The following RERE variants were observed in gnomAD, a reference collection of about 807,000 sequenced individuals.
RERE encodes arginine-glutamic acid dipeptide repeats protein.
A neutral mutation model predicts 146.1 loss-of-function variants in RERE; 40 were observed. The ratio of observed to expected loss-of-function variants is 0.27; its 90% confidence interval spans 0.21 to 0.36. RERE has a LOEUF of 0.36. Among genes scored for constraint, RERE ranks in the 10% least tolerant of loss-of-function variants. The pLI, the probability that RERE is intolerant of heterozygous loss-of-function variation, is 1.00. For missense variants in RERE, 1,933 were observed against 2,138.7 expected (o/e 0.90, Z 1.90); for synonymous variants, 1,003 against 866.0 (o/e 1.16, Z -2.78).
At chr1:8,452,099 C>G (rs1295590447) in intron 11 of RERE, among the ~76,000 whole-genome samples, 3 of 152,142 alleles carry the variant, frequency 2.0e-5, no homozygotes, top group Non-Finnish European at 1.5e-5. Flanking sequence ...CTCCAATTAA[C>G]TAACCTCTGT....
intron 1 of RERE, among the ~76,000 whole-genome samples, chr1:8,700,208 G>A (rs1267485057): frequency 3.3e-5 from 5 of 152,154 alleles, no homozygotes; most frequent in Non-Finnish European, 7.4e-5. Flanking sequence ...AGGAGGCTGA[G>A]GCTGGAGAAT....
intron 1 of RERE, among the ~76,000 whole-genome samples, chr1:8,737,492 G>A (rs988412001): frequency 6.6e-6 from 1 of 152,034 alleles, no homozygotes. Flanking sequence ...CATTTCTTCC[G>A]TTGTCGAACC....
At chr1:8,583,586 C>T (rs1646393448) in intron 4 of RERE, among the ~76,000 whole-genome samples, 1 of 152,072 alleles carries the variant, frequency 6.6e-6, no homozygotes, top group Admixed American at 6.5e-5. Flanking sequence ...TTGAACTCTT[C>T]AAAACTGGCC....
chr1:8,714,705 C>T (rs1026028889), intron 1 of RERE, among the ~76,000 whole-genome samples: 2 of 152,038 alleles, frequency 1.3e-5, no homozygotes, highest in Admixed American at 1.3e-4. Flanking sequence ...AGGATAGCAC[C>T]AAGGCTGATC....
intron 11 of RERE, chr1:8,428,688 G>C (rs1644051031): frequency 6.6e-6 from 1 of 152,126 alleles, no homozygotes; most frequent in Admixed American, 6.6e-5. Context: ...GCAAGGTTCA[G>C]ACTTGGAAGC....
intron 1 of RERE, among the ~76,000 whole-genome samples, chr1:8,747,897 C>T (rs1220817494): frequency 6.6e-6 from 1 of 152,066 alleles, no homozygotes; most frequent in East Asian, 1.9e-4. Context: ...GCCTCAGCCT[C>T]CCGAGTAGCT....
chr1:8,715,689 A>C (rs1039324246), intron 1 of RERE, among the ~76,000 whole-genome samples: 4 of 152,104 alleles, frequency 2.6e-5, no homozygotes, highest in Non-Finnish European at 5.9e-5. Flanking sequence ...AGATTGCTTG[A>C]GCTCAAGAGT....
At chr1:8,567,836 C>G (rs983584561) in intron 4 of RERE, among the ~76,000 whole-genome samples, 5 of 152,138 alleles carry the variant, frequency 3.3e-5, no homozygotes, top group African/African-American at 9.7e-5. Flanking sequence ...CACACACACA[C>G]AGAGATAAAC....
chr1:8,440,674 C>T (rs1202020669), intron 11 of RERE, among the ~76,000 whole-genome samples: 1 of 147,332 alleles, frequency 6.8e-6, no homozygotes, highest in South Asian at 2.1e-4. Flanking sequence ...GATCACCTAA[C>T]GTCGAGTTTG....
Position 8,671,513 on chromosome 1 carries a change from G to GA in RERE, c.-144-15073dup, listed in dbSNP as rs1570590860. Among the ~76,000 whole-genome samples the GA allele has an allele frequency of 2.0e-5, 3 of 152,322 alleles. No homozygotes were observed. In the East Asian group the frequency reaches 5.8e-4, roughly 29 times the overall value. On this transcript the variant is annotated intron_variant, in intron 1 of 22. Transcript: ENST00000400908. ...ACACCTCCCCCTGCTGTTTCACAGG[G>GA]AAATACACCAGCTGTCCAAATGACT... is the stretch of plus-strand genomic sequence containing the variant.
At chr1:8,519,351 G>C (rs1203119391) in intron 7 of RERE, among the ~76,000 whole-genome samples, 1 of 152,054 alleles carries the variant, frequency 6.6e-6, no homozygotes, top group Non-Finnish European at 1.5e-5. Flanking sequence ...AGGATCACTT[G>C]AGCCCAGGAG....
chr1:8,531,012 TCTATCTATCTA>T (rs1557675018), intron 7 of RERE, among the ~76,000 whole-genome samples: 6 of 26,456 alleles, frequency 2.3e-4, no homozygotes, highest in Admixed American at 3.6e-4. Context: ...GAGTTTTCTA[TCTATCTATCTA>T]TCTATCTATC....
intron 1 of RERE, among the ~76,000 whole-genome samples, chr1:8,699,918 C>A (rs765198881): frequency 1.3e-5 from 2 of 152,122 alleles, no homozygotes; most frequent in African/African-American, 2.4e-5. Context: ...GCAAACTGGG[C>A]CTCTGACACA....
chr1:8,515,453 G>A (rs1645401628), intron 7 of RERE, among the ~76,000 whole-genome samples: 1 of 151,696 alleles, frequency 6.6e-6, no homozygotes, highest in African/African-American at 2.4e-5. Flanking sequence ...ACAACATGGT[G>A]AAACCCCACA....
intron 2 of RERE, among the ~76,000 whole-genome samples, chr1:8,655,084 A>G (rs976434657): frequency 6.6e-6 from 1 of 152,210 alleles, no homozygotes; most frequent in African/African-American, 2.4e-5. Flanking sequence ...TGGTGTGACC[A>G]TAATACATTT....
At position 8,737,197 on chromosome 1, in the gene RERE, C is replaced by A. The variant is rs187661773; in HGVS notation, c.-145+79963G>T. On this transcript the variant is annotated intron_variant, in intron 1 of 22. Transcript: ENST00000400908. ...TTTGAAGGTCTTCAATGAAAGCATG[C>A]CAGTATTACCACAGACTTATCTTAG... Among the ~76,000 whole-genome samples the A allele has an allele frequency of 7.9e-5, 12 of 152,194 alleles. No homozygotes were observed. The East Asian group carries it at 2.3e-3, about 29-fold the overall frequency.
chr1:8,618,872 C>T (rs1646886218), intron 3 of RERE, among the ~76,000 whole-genome samples: 1 of 152,156 alleles, frequency 6.6e-6, no homozygotes, highest in African/African-American at 2.4e-5. Flanking sequence ...GGCGGGCAAT[C>T]TCAATGGCAA....
chr1:8,401,038 C>CATATATATATATATATATAT (rs59752248), intron 12 of RERE, among the ~76,000 whole-genome samples: 92 of 57,424 alleles, frequency 1.6e-3, no homozygotes, highest in Non-Finnish European at 2.2e-3. Context: ...AAAAAAAAAC[C>CATATATATATATATATATAT]ATATATATAT....
chr1:8,384,556 C>T (rs913838271), intron 12 of RERE, among the ~76,000 whole-genome samples: 4 of 152,158 alleles, frequency 2.6e-5, no homozygotes, highest in Admixed American at 6.5e-5. Flanking sequence ...CAAAGGTGAG[C>T]GGTTGTATGC....
Sources: allele counts gnomAD v4.1 joint callset (sites outside exome capture counted in the v4.1 genomes callset), GRCh38; gene constraint gnomAD v4.1.1; transcripts MANE v1.5; gene names NCBI Gene and HGNC (gene_info 2026-07-23, HGNC 2026-07-21).